The following TRIB2 variants were observed in gnomAD, a reference collection of about 807,000 sequenced individuals.
TRIB2 encodes the protein tribbles pseudokinase 2, also known as tribbles homolog 2.
A neutral mutation model predicts 26.8 loss-of-function variants in TRIB2; 2 were observed. The ratio of observed to expected loss-of-function variants is 0.07; its 90% CI spans 0.03 to 0.24. The LOEUF (loss-of-function observed/expected upper bound fraction) is 0.24, where lower values mean the gene tolerates loss of function less well. Ranked by LOEUF, TRIB2 falls within the 10% of genes least tolerant of loss-of-function variation. The probability of loss-of-function intolerance (pLI) is 1.00; values close to 1 mark genes in which losing one functional copy is unlikely to be tolerated. For missense variants in TRIB2, 306 were observed against 449.0 expected (o/e 0.68, Z 2.88); for synonymous variants, 189 against 187.3 (o/e 1.01, Z -0.08).
Position 12,716,968 on chromosome 2 carries a change from C to G in TRIB2, c.-1340C>G, listed in dbSNP as rs1427827043. 6.5e-6 allele frequency: 1 copy of G among 154,840 alleles called. No individual in the cohort carries two copies. Among genetic ancestry groups the G allele is most frequent in the African/African-American group, 2.4e-5 (1 of 41,270 alleles). The allele number at this position is 154,840 out of a possible 1,614,324, so 9.6% of individuals were successfully genotyped here. Reference sequence around the variant, plus strand: ...AGCGCGAGCGAGGCGCGCGCGCGCACACGCGCACTCACGGCCCCGCTCGCT... The same window carrying G: ...AGCGCGAGCGAGGCGCGCGCGCGCAGACGCGCACTCACGGCCCCGCTCGCT... On this transcript the variant is annotated 5_prime_UTR_variant, in exon 1 of 3. Coordinates refer to ENST00000155926, the MANE Select transcript of TRIB2 (RefSeq NM_021643.4).
intron 1 of TRIB2, 54 bp from the exon 2 acceptor site, chr2:12,723,206 T>A: frequency 6.4e-7 from 1 of 1,560,480 alleles, no homozygotes; most frequent in Admixed American, 1.7e-5. Flanking sequence ...ATTATGTGTT[T>A]TGGTTGTACA....
intron 2 of TRIB2, among the ~76,000 whole-genome samples, chr2:12,724,204 T>C (rs1365617328): frequency 6.6e-6 from 1 of 152,070 alleles, no homozygotes; most frequent in Non-Finnish European, 1.5e-5. Flanking sequence ...TTTCAGGAAA[T>C]GTGGGAAAGA....
intron 2 of TRIB2, among the ~76,000 whole-genome samples, chr2:12,734,472 C>T (rs2103257394): frequency 6.6e-6 from 1 of 152,180 alleles, no homozygotes; most frequent in Non-Finnish European, 1.5e-5. Flanking sequence ...ACATCTACGG[C>T]CGTATGCTGG....
At chr2:12,725,711 G>A (rs1181968908) in intron 2 of TRIB2, among the ~76,000 whole-genome samples, 2 of 152,206 alleles carry the variant, frequency 1.3e-5, no homozygotes, top group Admixed American at 6.5e-5. Context: ...ATGTGAAACC[G>A]AAACAATTGC....
At chr2:12,739,096 C>T (rs1204044779) in intron 2 of TRIB2, among the ~76,000 whole-genome samples, 1 of 152,090 alleles carries the variant, frequency 6.6e-6, no homozygotes. Context: ...TTCACACACA[C>T]CCTATGCACG....
chr2:12,718,608 T>C lies in TRIB2; in HGVS notation c.270+31T>C. 6.2e-7 allele frequency: 1 copy of C among 1,601,314 alleles called. No homozygotes were observed. Among genetic ancestry groups the C allele is most frequent in the East Asian group, 2.2e-5 (1 of 44,538 alleles). On this transcript the variant is annotated intron_variant, in intron 1 of 2. Transcript: ENST00000155926. This position sits in a 1 kb window ranked among gnomAD's most constrained non-coding sequence, Gnocchi z 4.0. ...GGGCCAGTGGGTTGCTTTTTGTCTT[T>C]GGAAGGGGCCCGAGGGAGCGGGAGG...
chr2:12,729,341 G>A (rs563458344), intron 2 of TRIB2, among the ~76,000 whole-genome samples: 1 of 152,256 alleles, frequency 6.6e-6, no homozygotes, highest in South Asian at 2.1e-4. Context: ...ATTTGTTGAC[G>A]GAATGTCTCC....
At chr2:12,739,312 T>C (rs1031316111) in intron 2 of TRIB2, among the ~76,000 whole-genome samples, 9 of 152,182 alleles carry the variant, frequency 5.9e-5, no homozygotes, top group Non-Finnish European at 1.0e-4. Context: ...CAGGCTGGAA[T>C]GCAGTAGTGC....
intron 2 of TRIB2, among the ~76,000 whole-genome samples, chr2:12,737,844 T>G (rs1661616482): frequency 6.6e-6 from 1 of 152,204 alleles, no homozygotes. Flanking sequence ...TGTGTCTATT[T>G]TACTACATAA....
At chr2:12,735,399 G>A (rs1243628796) in intron 2 of TRIB2, among the ~76,000 whole-genome samples, 1 of 152,102 alleles carries the variant, frequency 6.6e-6, no homozygotes, top group African/African-American at 2.4e-5. Flanking sequence ...CACACGTACA[G>A]CGCACCTTGA....
At position 12,740,623 on chromosome 2, in the gene TRIB2, C is replaced by T. The variant is rs1175532414; in HGVS notation, c.861C>T (p.Ser287=). ...LSPKAKCLIR[S]ILRREPSERL... is the part of the protein sequence containing the mutation. ...CCAAGGCCAAGTGCCTCATCCGAAG[C>T]ATTCTGCGTCGGGAGCCCTCAGAGC... The change falls in exon 3 of 3, where the codon AGC becomes AGT. Residue 287 remains serine (S), a synonymous_variant. Transcript: ENST00000155926. The surrounding 1 kb of genome is among the most constrained non-coding windows in gnomAD (Gnocchi z 5.8). The T allele has an allele frequency of 8.1e-6, 13 of 1,614,178 alleles. No individual in the cohort carries two copies. The highest frequency in any genetic ancestry group is 1.1e-5 in the Non-Finnish European group (13 of 1,180,026).
intron 2 of TRIB2, among the ~76,000 whole-genome samples, chr2:12,731,557 G>T (rs1414496798): frequency 6.6e-6 from 1 of 152,184 alleles, no homozygotes; most frequent in African/African-American, 2.4e-5. Context: ...ACAAGTGGGG[G>T]TTTAAACCCG....
chr2:12,719,574 C>CT (rs1242995740), intron 1 of TRIB2, among the ~76,000 whole-genome samples: 9 of 93,674 alleles, frequency 9.6e-5, no homozygotes, highest in African/African-American at 3.7e-4. Flanking sequence ...GATTTGCTGA[C>CT]TGTTTTTTTT....
intron 2 of TRIB2, among the ~76,000 whole-genome samples, chr2:12,738,179 C>T (rs1169827216): frequency 1.3e-5 from 2 of 152,096 alleles, no homozygotes; most frequent in South Asian, 2.1e-4. Flanking sequence ...TGAACCTTGC[C>T]CCGCTTCTAT....
Position 12,723,424 on chromosome 2 carries a change from G to A in TRIB2, c.435G>A (p.Lys145=). The A allele has an allele frequency of 6.2e-7, 1 of 1,614,244 alleles. No individual in the cohort carries two copies. Among genetic ancestry groups the A allele is most frequent in the Non-Finnish European group, 8.5e-7 (1 of 1,180,042 alleles). Residue 145 remains lysine, a synonymous_variant, in exon 2 of 3, where the codon AAG becomes AAA. Coordinates refer to ENST00000155926, the MANE Select transcript of TRIB2 (RefSeq NM_021643.4). ...TGCATTCCTTCGTCCGCACCTGCAA[G>A]AAGCTGAGAGAGGAGGAGGCAGCCA... is the stretch of plus-strand genomic sequence containing the variant. ...GDMHSFVRTC[K]KLREEEAARL... is the part of the protein sequence containing the mutation.
At chr2:12,719,382 C>T (rs1666675343) in intron 1 of TRIB2, among the ~76,000 whole-genome samples, 1 of 151,976 alleles carries the variant, frequency 6.6e-6, no homozygotes, top group Admixed American at 6.5e-5. Context: ...CCTTTTTTGT[C>T]TTTAACCCTG....
rs956598386 is a variant in TRIB2, at chr2:12,732,903, C to T, written c.564-7423C>T. ...AGCCTATCTGGACCGCCTGACTGGA[C>T]GGCCTTCAGTGACTTCTCTGGATTT... On this transcript the variant is annotated intron_variant, in intron 2 of 2. Transcript: ENST00000155926. The surrounding 1 kb of genome is among the most constrained non-coding windows in gnomAD (Gnocchi z 4.2). Among the ~76,000 whole-genome samples, 1 of 152,164 alleles carries T rather than the reference C, an allele frequency of 6.6e-6. No individual in the cohort carries two copies. Among genetic ancestry groups the T allele is most frequent in the African/African-American group, 2.4e-5 (1 of 41,424 alleles).
In TRIB2 at chr2:12,718,917, G is replaced by C. The variant is rs1209832008; in HGVS notation, c.270+340G>C. Among the ~76,000 whole-genome samples the C allele has an allele frequency of 6.6e-6, 1 of 152,094 alleles. No individual in the cohort carries two copies. The stretch of plus-strand genomic sequence containing the variant: ...CGGGGGGGATTTCTTCCTGTGTCTA[G>C]CCCCCTCCCCTTCCAACAAGGATTA... On this transcript the variant is annotated intron_variant, in intron 1 of 2. Transcript: ENST00000155926. The surrounding 1 kb of genome is among the most constrained non-coding windows in gnomAD (Gnocchi z 4.0).
chr2:12,724,657 T>A (rs937768072), intron 2 of TRIB2: 2 of 1,612,768 alleles, frequency 1.2e-6, no homozygotes, highest in African/African-American at 2.7e-5. Context: ...CCTGGAGATG[T>A]TTCCCCTGGT....
Sources: allele counts gnomAD v4.1 joint callset (sites outside exome capture counted in the v4.1 genomes callset), GRCh38; gene constraint gnomAD v4.1.1; non-coding constraint Gnocchi (gnomAD v3.1); transcripts MANE v1.5; gene names NCBI Gene and HGNC (gene_info 2026-07-23, HGNC 2026-07-21).